ENTREP2: variants seen among roughly 807,000 people sequenced by gnomAD.
ENTREP2 encodes protein ENTREP2.
the ENTREP2 span, among the ~76,000 whole-genome samples, chr15:29,591,812 A>G: frequency 1.4e-5 from 2 of 146,058 alleles, no homozygotes; most frequent in Admixed American, 6.9e-5. Context: ...TAGGTGACAG[A>G]GTGAGACCCC....
the ENTREP2 span, among the ~76,000 whole-genome samples, chr15:29,388,362 A>C: frequency 6.6e-6 from 1 of 152,268 alleles, no homozygotes; most frequent in African/African-American, 2.4e-5. Context: ...AGACACATGA[A>C]AAAATGCTCA....
At chr15:29,182,627 T>C in the ENTREP2 span, among the ~76,000 whole-genome samples, 1 of 151,442 alleles carries the variant, frequency 6.6e-6, no homozygotes, top group African/African-American at 2.4e-5. Context: ...ACAGTTACAA[T>C]GATGGTGTGT....
At chr15:29,169,350 GTACCC>G in the ENTREP2 span, among the ~76,000 whole-genome samples, 1 of 152,118 alleles carries the variant, frequency 6.6e-6, no homozygotes, top group East Asian at 1.9e-4. Flanking sequence ...ACATCAAAAT[GTACCC>G]TAAATCTACA....
At chr15:29,197,765 CAAAAAA>C in the ENTREP2 span, among the ~76,000 whole-genome samples, 1 of 117,650 alleles carries the variant, frequency 8.5e-6, no homozygotes, top group Non-Finnish European at 1.8e-5. Context: ...GACTCCATCT[CAAAAAA>C]AAAAAAAAAT....
chr15:29,180,059 C>T, the ENTREP2 span, among the ~76,000 whole-genome samples: 1 of 152,034 alleles, frequency 6.6e-6, no homozygotes. Context: ...ATGAGAATGA[C>T]CAGAGAGAAA....
chr15:29,329,725 C>A, the ENTREP2 span, among the ~76,000 whole-genome samples: 1 of 152,156 alleles, frequency 6.6e-6, no homozygotes, highest in African/African-American at 2.4e-5. Flanking sequence ...AATTAATAAC[C>A]TCACAATGAT....
At chr15:29,429,220 T>C in the ENTREP2 span, among the ~76,000 whole-genome samples, 1 of 151,898 alleles carries the variant, frequency 6.6e-6, no homozygotes, top group African/African-American at 2.4e-5. Flanking sequence ...CATCCATCCA[T>C]CCATCCATCC....
At chr15:29,356,034 T>C in the ENTREP2 span, among the ~76,000 whole-genome samples, 6 of 151,990 alleles carry the variant, frequency 3.9e-5, no homozygotes, top group African/African-American at 1.4e-4. Flanking sequence ...TACGAGGCAA[T>C]GTTCTCTGTT....
the ENTREP2 span, among the ~76,000 whole-genome samples, chr15:29,548,458 A>AAAAAAAG: frequency 2.0e-5 from 3 of 151,952 alleles, no homozygotes; most frequent in East Asian, 1.9e-4. Flanking sequence ...CTGCCTAAAA[A>AAAAAAAG]AAAAAAAAAA....
chr15:29,670,325 C>G, the ENTREP2 span, among the ~76,000 whole-genome samples: 1 of 152,146 alleles, frequency 6.6e-6, no homozygotes, highest in Non-Finnish European at 1.5e-5. Flanking sequence ...TAAGATGGCT[C>G]TGGGGCAGGA....
the ENTREP2 span, among the ~76,000 whole-genome samples, chr15:29,324,072 G>T: frequency 6.6e-6 from 1 of 151,300 alleles, no homozygotes; most frequent in Non-Finnish European, 1.5e-5. Context: ...GGAAAGAAGT[G>T]AACAACAACA....
chr15:29,201,126 A>G, the ENTREP2 span, among the ~76,000 whole-genome samples: 1 of 151,808 alleles, frequency 6.6e-6, no homozygotes, highest in Non-Finnish European at 1.5e-5. Flanking sequence ...ACTTTGCTGA[A>G]CTCACTTATT....
the ENTREP2 span, among the ~76,000 whole-genome samples, chr15:29,370,270 A>T: frequency 6.6e-6 from 1 of 152,236 alleles, no homozygotes; most frequent in African/African-American, 2.4e-5. Flanking sequence ...GTCAGTAAAA[A>T]GTAGAAAATA....
the ENTREP2 span, among the ~76,000 whole-genome samples, chr15:29,237,276 T>A: frequency 6.6e-6 from 1 of 152,210 alleles, no homozygotes; most frequent in East Asian, 1.9e-4. Context: ...TCACTAATAT[T>A]TTCTCCCTGT....
chr15:29,269,884 C>G, the ENTREP2 span: 1 of 576,634 alleles, frequency 1.7e-6, no homozygotes, highest in East Asian at 3.5e-5. Flanking sequence ...GCCTGCGCGG[C>G]TGCGGCGGGT....
At chr15:29,596,623 GCATTCTGCCTCT>G in the ENTREP2 span, among the ~76,000 whole-genome samples, 1 of 151,804 alleles carries the variant, frequency 6.6e-6, no homozygotes, top group Non-Finnish European at 1.5e-5. Flanking sequence ...TCCTTTTGTC[GCATTCTGCCTCT>G]CATTCTGGGT....
chr15:29,469,349 G>A, the ENTREP2 span, among the ~76,000 whole-genome samples: 17 of 152,222 alleles, frequency 1.1e-4, no homozygotes, highest in African/African-American at 3.4e-4. Flanking sequence ...ACAGGCGCAC[G>A]CCACCACGCC....
chr15:29,456,105 C>G, the ENTREP2 span, among the ~76,000 whole-genome samples: 3 of 152,158 alleles, frequency 2.0e-5, no homozygotes, highest in African/African-American at 4.8e-5. Flanking sequence ...TCCCCACCCC[C>G]TCCCTGTCCA....
chr15:29,664,448 C>CTTT, the ENTREP2 span, among the ~76,000 whole-genome samples: 2 of 143,010 alleles, frequency 1.4e-5, no homozygotes, highest in South Asian at 2.2e-4. Context: ...TTCTCTCTCT[C>CTTT]TTTTTTTTTT....
Sources: gnomAD v4.1 joint callset for allele counts (sites outside exome capture counted in the v4.1 genomes callset) on GRCh38, gnomAD v4.1.1 for gene constraint, MANE v1.5 for transcripts, NCBI Gene and HGNC (gene_info 2026-07-23, HGNC 2026-07-21) for gene names.